Variants in TNIK observed in about 807,000 individuals in gnomAD.
TNIK encodes TRAF2 and NCK-interacting protein kinase.
In TNIK, 49 loss-of-function variants were observed where a neutral mutation model predicts 191.3. The ratio of observed to expected loss-of-function variants is 0.26; its 90% CI spans 0.20 to 0.32. TNIK has a LOEUF of 0.32. Ranked by LOEUF, TNIK falls within the 10% of genes least tolerant of loss-of-function variation. TNIK has a pLI of 1.00. For synonymous variants in TNIK, 594 were observed against 600.9 expected (o/e 0.99, Z 0.17); for missense variants, 1,155 against 1,702.3 (o/e 0.68, Z 5.66).
At chr3:171,107,768 C>T (rs1412339088) in intron 20 of TNIK, among the ~76,000 whole-genome samples, 1 of 152,198 alleles carries the variant, frequency 6.6e-6, no homozygotes, top group African/African-American at 2.4e-5. Flanking sequence ...CTACTTTCAA[C>T]ATCTTTTTGC....
intron 2 of TNIK, among the ~76,000 whole-genome samples, chr3:171,352,877 T>C (rs746383401): frequency 6.6e-6 from 1 of 152,144 alleles, no homozygotes; most frequent in African/African-American, 2.4e-5. Context: ...TTTAATGTAT[T>C]CAGAAATGCA....
intron 7 of TNIK, among the ~76,000 whole-genome samples, chr3:171,186,584 G>A (rs1367881157): frequency 6.6e-6 from 1 of 152,088 alleles, no homozygotes; most frequent in African/African-American, 2.4e-5. Flanking sequence ...TCCTCCTCTT[G>A]CACAACCTAC....
In TNIK at chr3:171,232,184, G is replaced by T. The variant is rs147020070; in HGVS notation, c.124-3963C>A. On this transcript the variant is annotated intron_variant, in intron 2 of 32. Coordinates refer to ENST00000436636, the MANE Select transcript of TNIK (RefSeq NM_015028.4). ...CAAATATAGACACCATCTAAATTTA[G>T]ATCTAAAATACATGTTTCAAGCTGG... 1.5e-3 allele frequency among the ~76,000 whole-genome samples: 225 copies of T among 152,020 alleles called. 2 individuals carry two copies. The highest frequency in any genetic ancestry group is 0.013 in the East Asian group (68 of 5,164).
chr3:171,085,878 G>C (rs531816896), intron 24 of TNIK, among the ~76,000 whole-genome samples: 93 of 152,276 alleles, frequency 6.1e-4, no homozygotes, highest in African/African-American at 2.0e-3. Flanking sequence ...ACGTTTGTGA[G>C]CAATGTACCT....
chr3:171,395,160 GA>G (rs1720059269), intron 1 of TNIK, among the ~76,000 whole-genome samples: 1 of 152,132 alleles, frequency 6.6e-6, no homozygotes, highest in African/African-American at 2.4e-5. Context: ...AGAAGTTCAG[GA>G]AAAACTGGCA....
intron 6 of TNIK, among the ~76,000 whole-genome samples, chr3:171,189,307 T>G (rs1294896396): frequency 6.6e-6 from 1 of 152,212 alleles, no homozygotes; most frequent in African/African-American, 2.4e-5. Flanking sequence ...GACCACATTT[T>G]GTTTATCTGT....
chr3:171,104,411 A>AAAAGT (rs1724296041), intron 21 of TNIK, among the ~76,000 whole-genome samples: 1 of 149,056 alleles, frequency 6.7e-6, no homozygotes, highest in Admixed American at 6.6e-5. Context: ...CCTGGAGCTA[A>AAAAGT]AAAGTATTTA....
intron 9 of TNIK, among the ~76,000 whole-genome samples, chr3:171,168,054 G>A (rs560005580): frequency 2.0e-5 from 3 of 152,210 alleles, no homozygotes; most frequent in South Asian, 4.1e-4. Context: ...TAAACCCCAC[G>A]CCAGAGACCT....
intron 22 of TNIK, among the ~76,000 whole-genome samples, chr3:171,095,486 G>T (rs1722591135): frequency 6.6e-6 from 1 of 152,030 alleles, no homozygotes; most frequent in South Asian, 2.1e-4. Context: ...AAGTTATCAA[G>T]GCTTATTTCT....
At chr3:171,405,641 T>C (rs565648426) in intron 1 of TNIK, among the ~76,000 whole-genome samples, 2 of 152,222 alleles carry the variant, frequency 1.3e-5, no homozygotes, top group East Asian at 3.9e-4. Context: ...CTATTCCACA[T>C]AGGAGGTTAT....
In TNIK at chr3:171,101,699, G is replaced by A. The variant is rs563815711; in HGVS notation, c.2407-66C>T. 2.0e-6 allele frequency: 3 copies of A among 1,514,424 alleles called. No individual in the cohort carries two copies. In the African/African-American group the frequency reaches 4.2e-5, roughly 21 times the overall value. The allele number at this position is 1,514,424 out of a possible 1,614,324, so 93.8% of individuals were successfully genotyped here. ...CGACCAAAGCTACATCTCTCAGCAAGTCAGTGCTCCAGCTTAAGCAACAAG... is the reference window on the plus strand; with the variant it reads ...CGACCAAAGCTACATCTCTCAGCAAATCAGTGCTCCAGCTTAAGCAACAAG... On this transcript the variant is annotated intron_variant, in intron 21 of 32. Transcript: ENST00000436636.
intron 2 of TNIK, among the ~76,000 whole-genome samples, chr3:171,290,671 T>C (rs1751585447): frequency 6.6e-6 from 1 of 152,184 alleles, no homozygotes; most frequent in Non-Finnish European, 1.5e-5. Context: ...AAAGACAATC[T>C]CTGCAGAAGA....
intron 1 of TNIK, among the ~76,000 whole-genome samples, chr3:171,395,160 G>T (rs762783533): frequency 4.6e-5 from 7 of 152,132 alleles, no homozygotes; most frequent in Non-Finnish European, 8.8e-5. Flanking sequence ...AGAAGTTCAG[G>T]AAAAACTGGC....
intron 1 of TNIK, among the ~76,000 whole-genome samples, chr3:171,406,272 TAG>T (rs1721668110): frequency 6.6e-6 from 1 of 152,068 alleles, no homozygotes; most frequent in Non-Finnish European, 1.5e-5. Context: ...ACTGCCTCCC[TAG>T]ATGATGGAAC....
intron 1 of TNIK, among the ~76,000 whole-genome samples, chr3:171,446,327 G>A (rs1727490808): frequency 6.6e-6 from 1 of 152,106 alleles, no homozygotes; most frequent in Middle Eastern, 3.2e-3. Flanking sequence ...CTTACAACCT[G>A]TTCCACCCAC....
At chr3:171,106,607 A>G (rs1429648615) in intron 21 of TNIK, 1 of 509,380 alleles carries the variant, frequency 2.0e-6, no homozygotes, top group Non-Finnish European at 4.1e-6. Context: ...TTAGCAAGCT[A>G]CCTACAACTG....
At chr3:171,339,528 T>G (rs1459260093) in intron 2 of TNIK, among the ~76,000 whole-genome samples, 1 of 152,234 alleles carries the variant, frequency 6.6e-6, no homozygotes, top group Non-Finnish European at 1.5e-5. Context: ...GGCAGAGATC[T>G]GCGTCTGTTT....
chr3:171,093,794 C>T, intron 23 of TNIK, 45 bp downstream of exon 23: 1 of 1,607,130 alleles, frequency 6.2e-7, no homozygotes, highest in Non-Finnish European at 8.5e-7. Context: ...GTAAAAACCA[C>T]TGAAGAAATG....
intron 27 of TNIK, among the ~76,000 whole-genome samples, chr3:171,081,126 C>A (rs1012772337): frequency 6.6e-6 from 1 of 152,026 alleles, no homozygotes; most frequent in Non-Finnish European, 1.5e-5. Context: ...GGTAGTATAG[C>A]AATCAGGACA....
Sources: allele counts gnomAD v4.1 joint callset (sites outside exome capture counted in the v4.1 genomes callset), GRCh38; gene constraint gnomAD v4.1.1; transcripts MANE v1.5; gene names NCBI Gene and HGNC (gene_info 2026-07-23, HGNC 2026-07-21).